The following RBM18 variants were observed in gnomAD, a reference collection of about 807,000 sequenced individuals.
The protein encoded by RBM18 is probable RNA-binding protein 18.
Under a neutral mutation model 26.4 loss-of-function variants are expected in RBM18, and 18 were observed. That is an observed-to-expected ratio of 0.68 (90% confidence interval 0.47 to 1.01). The LOEUF (loss-of-function observed/expected upper bound fraction) is 1.01, where lower values mean the gene tolerates loss of function less well. RBM18 is among the 50% of genes least tolerant of loss of function. The probability of loss-of-function intolerance (pLI) is 0.00; values close to 1 mark genes in which losing one functional copy is unlikely to be tolerated. For missense variants in RBM18, 180 were observed against 219.2 expected (o/e 0.82, Z 1.13); for synonymous variants, 74 against 81.1 (o/e 0.91, Z 0.47).
rs530935777 is a variant in RBM18 at position 122,249,691 on chromosome 9, A to G, written c.241-2087T>C. Among the ~76,000 whole-genome samples the G allele has an allele frequency of 3.2e-3, 487 of 151,612 alleles. 2 individuals are homozygous for G. The highest frequency in any genetic ancestry group is 5.2e-3 in the Non-Finnish European group (356 of 67,902). On this transcript the variant is annotated intron_variant, in intron 3 of 5. Transcript: ENST00000417201. ...GCCACTATACTCCGGCCTGGATGACAAAGAGAGACCCTGTCTCAAAAAAAA... is the reference window on the plus strand; with the variant it reads ...GCCACTATACTCCGGCCTGGATGACGAAGAGAGACCCTGTCTCAAAAAAAA...
At chr9:122,259,218 G>A (rs1831747438) in intron 2 of RBM18, among the ~76,000 whole-genome samples, 1 of 152,116 alleles carries the variant, frequency 6.6e-6, no homozygotes, top group Non-Finnish European at 1.5e-5. Context: ...CCGTCAAGCA[G>A]CAGGACACAA....
At chr9:122,250,783 T>G (rs1236364501) in intron 3 of RBM18, among the ~76,000 whole-genome samples, 1 of 152,182 alleles carries the variant, frequency 6.6e-6, no homozygotes, top group Non-Finnish European at 1.5e-5. Context: ...TATGACTAAG[T>G]GTTAACAGTG....
In RBM18 at chr9:122,255,408, T is replaced by C. The variant is rs528580148; in HGVS notation, c.114-3435A>G. On this transcript the variant is annotated intron_variant, in intron 2 of 5. Coordinates refer to ENST00000417201, the MANE Select transcript of RBM18 (RefSeq NM_033117.4). The stretch of plus-strand genomic sequence containing the variant: ...GCTCATGCATTTATTTTCCCTTGCA[T>C]TCCAGCTTACCTAGTTTATCCCTGA... Among the ~76,000 whole-genome samples the C allele has an allele frequency of 1.1e-3, 164 of 152,292 alleles. 1 individual carries two copies. The highest frequency in any genetic ancestry group is 3.8e-3 in the African/African-American group (157 of 41,560).
At chr9:122,256,943 G>T (rs1228372612) in intron 2 of RBM18, among the ~76,000 whole-genome samples, 2 of 152,118 alleles carry the variant, frequency 1.3e-5, no homozygotes, top group Non-Finnish European at 2.9e-5. Context: ...AGAATATAGT[G>T]GAAAGAACAT....
chr9:122,260,487 A>G (rs926957867), intron 2 of RBM18, among the ~76,000 whole-genome samples: 2 of 152,142 alleles, frequency 1.3e-5, no homozygotes, highest in Non-Finnish European at 2.9e-5. Flanking sequence ...AAACCTCTCA[A>G]TTTTCTCAGC....
rs527881398 is a variant in RBM18, at chr9:122,263,352, T to C, written c.-17+1363A>G. On this transcript the variant is annotated intron_variant, in intron 1 of 5. Transcript: ENST00000417201. The stretch of plus-strand genomic sequence containing the variant: ...AGACAAATGAAAAAGCCACAGCTCT[T>C]GTTCTTACCTCCTGGGAGAAAGGTG... Among the ~76,000 whole-genome samples the C allele has an allele frequency of 2.0e-5, 3 of 152,376 alleles. 1 individual carries two copies. Among genetic ancestry groups the C allele is most frequent in the African/African-American group, 7.2e-5 (3 of 41,590 alleles).
chr9:122,252,553 T>A (rs1164206445), intron 2 of RBM18, among the ~76,000 whole-genome samples: 1 of 152,228 alleles, frequency 6.6e-6, no homozygotes, highest in Non-Finnish European at 1.5e-5. Flanking sequence ...CAGCTAGTGA[T>A]ACTTCCACAG....
At chr9:122,249,193 C>CA (rs1554813914) in intron 3 of RBM18, among the ~76,000 whole-genome samples, 1 of 151,062 alleles carries the variant, frequency 6.6e-6, no homozygotes, top group Non-Finnish European at 1.5e-5. Context: ...TAAATGTCTA[C>CA]TTTTTTTTTA....
At chr9:122,260,140 A>T (rs1246804961) in intron 2 of RBM18, among the ~76,000 whole-genome samples, 2 of 151,948 alleles carry the variant, frequency 1.3e-5, no homozygotes, top group Non-Finnish European at 2.9e-5. Flanking sequence ...TGAGGTAAGG[A>T]GTTCGAGATC....
intron 4 of RBM18, 126 bp from the exon 5 acceptor site, chr9:122,245,467 C>T (rs1831490565): frequency 1.8e-6 from 1 of 546,418 alleles, no homozygotes; most frequent in Non-Finnish European, 3.2e-6. Context: ...TTTAGGACCA[C>T]TTTACACTTA....
intron 1 of RBM18, among the ~76,000 whole-genome samples, 187 bp from the exon 2 acceptor site, chr9:122,261,695 G>A (rs2297177): frequency 0.51 from 77,598 of 152,062 alleles, 20,971 homozygotes; most frequent in African/African-American, 0.69. Context: ...TGGCAGCCAG[G>A]GCACACAAGC....
intron 2 of RBM18, among the ~76,000 whole-genome samples, chr9:122,260,006 T>C (rs1431914723): frequency 6.6e-6 from 1 of 152,128 alleles, no homozygotes; most frequent in Non-Finnish European, 1.5e-5. Context: ...CCCTTGTCTT[T>C]AACACTATTC....
At chr9:122,245,232 T>C (rs748880646) in intron 5 of RBM18, 24 bp downstream of exon 5, 3 of 1,400,048 alleles carry the variant, frequency 2.1e-6, no homozygotes, top group South Asian at 1.2e-5. Flanking sequence ...AATTACTGTG[T>C]CTTTCTATAG....
chr9:122,250,080 A>AAAAG (rs1554813988), intron 3 of RBM18, among the ~76,000 whole-genome samples: 1 of 150,408 alleles, frequency 6.6e-6, no homozygotes, highest in African/African-American at 2.4e-5. Context: ...AAAAAAAAAA[A>AAAAG]GAATGCTAAT....
intron 4 of RBM18, among the ~76,000 whole-genome samples, chr9:122,247,045 T>C (rs1252643356): frequency 6.6e-6 from 1 of 152,082 alleles, no homozygotes; most frequent in Non-Finnish European, 1.5e-5. Flanking sequence ...ACCCACACCC[T>C]AGTAACTCCC....
At chr9:122,256,930 A>G (rs2118970981) in intron 2 of RBM18, among the ~76,000 whole-genome samples, 1 of 152,352 alleles carries the variant, frequency 6.6e-6, no homozygotes, top group East Asian at 1.9e-4. Flanking sequence ...GTTGACAGGA[A>G]TCAGAATATA....
At chr9:122,257,663 G>T (rs1303640956) in intron 2 of RBM18, among the ~76,000 whole-genome samples, 1 of 152,098 alleles carries the variant, frequency 6.6e-6, no homozygotes, top group African/African-American at 2.4e-5. Context: ...TGGAAAAGTG[G>T]TTATTTAAAA....
chr9:122,263,206 G>C (rs551138253), intron 1 of RBM18, among the ~76,000 whole-genome samples: 1 of 152,296 alleles, frequency 6.6e-6, no homozygotes, highest in South Asian at 2.1e-4. Context: ...CTAGGTAATT[G>C]TTTATTGAAT....
chr9:122,247,854 G>A (rs565746810), intron 3 of RBM18, among the ~76,000 whole-genome samples: 74 of 142,394 alleles, frequency 5.2e-4, no homozygotes, highest in Admixed American at 1.2e-3. Flanking sequence ...GTGCAATACC[G>A]GCTCACTGCA....
Sources: allele counts gnomAD v4.1 joint callset (sites outside exome capture counted in the v4.1 genomes callset), GRCh38; gene constraint gnomAD v4.1.1; transcripts MANE v1.5; gene names NCBI Gene and HGNC (gene_info 2026-07-23, HGNC 2026-07-21).